SLC12A9: variants seen among roughly 807,000 people sequenced by gnomAD.
SLC12A9 encodes solute carrier family 12 member 9.
A neutral mutation model predicts 66.0 loss-of-function variants in SLC12A9; 55 were observed. The observed-to-expected ratio is 0.83, with a 90% CI of 0.67 to 1.04. The LOEUF (loss-of-function observed/expected upper bound fraction) is 1.04, where lower values mean the gene tolerates loss of function less well. Ranked by LOEUF, SLC12A9 falls within the 50% of genes least tolerant of loss-of-function variation. SLC12A9 has a pLI of 0.00. For synonymous variants in SLC12A9, 577 were observed against 569.0 expected, an observed-to-expected ratio of 1.01 and a Z score of -0.20; for missense variants, 1,061 against 1,241.9, an observed-to-expected ratio of 0.85 and a Z score of 2.19.
At position 100,866,033 on chromosome 7, in the gene SLC12A9, GACGTGT is replaced by G. The variant is rs1815064607; in HGVS notation, c.2174_2179del (p.Asp725_Trp727delinsGly). 6.2e-7 allele frequency: 1 copy of G among 1,612,806 alleles called. No homozygotes were observed. The highest frequency in any genetic ancestry group is 1.3e-5 in the African/African-American group (1 of 75,064). ...GGGCACCTCTCAGCTGCACCATGTG[GACGTGT>G]GGCCCCTCAACCTGCTGCGGCCCCG... On this transcript the variant is annotated inframe_deletion, in exon 14 of 14. Transcript: ENST00000354161. The surrounding 1 kb of genome is among the most constrained non-coding windows in gnomAD (Gnocchi z 7.3).
chr7:100,841,225 C>T (rs1813783869), intron 1 of SLC12A9, among the ~76,000 whole-genome samples: 1 of 150,312 alleles, frequency 6.7e-6, no homozygotes. Flanking sequence ...TCTGCGAAAA[C>T]CATGAAAGAA....
chr7:100,833,072 G>A (rs1813573503), intron 1 of SLC12A9, among the ~76,000 whole-genome samples: 1 of 152,048 alleles, frequency 6.6e-6, no homozygotes, highest in Admixed American at 6.5e-5. Flanking sequence ...CACTGCACCT[G>A]GCCTGGCTAA....
chr7:100,855,371 C>G, intron 3 of SLC12A9: 1 of 302,486 alleles, frequency 3.3e-6, no homozygotes, highest in Non-Finnish European at 6.4e-6. Flanking sequence ...ATCCTCCTGC[C>G]TCAGCCTCCC....
chr7:100,860,058 C>G lies in SLC12A9; in HGVS notation c.1135+16C>G. On this transcript the variant is annotated intron_variant, in intron 8 of 13. Coordinates refer to ENST00000354161, the MANE Select transcript of SLC12A9 (RefSeq NM_020246.4). ...GACCTCTTTGGTGGGTTCTCTGCCT[C>G]CTTGCTGGCTTGGAGCACGCCCTCC... The G allele has an allele frequency of 6.2e-7, 1 of 1,614,180 alleles. No homozygotes were observed.
intron 13 of SLC12A9, 62 bp downstream of exon 13, chr7:100,862,889 C>A: frequency 6.3e-7 from 1 of 1,598,564 alleles, no homozygotes. Flanking sequence ...ATCTCCGCTC[C>A]CCTCCCCTAG....
At chr7:100,860,581 CTG>C (rs1562993658) in intron 9 of SLC12A9, 2 of 371,614 alleles carry the variant, frequency 5.4e-6, no homozygotes, top group Admixed American at 4.4e-5. Flanking sequence ...CACTGGCACT[CTG>C]TGGGATGTAC....
chr7:100,832,996 G>A (rs1813571895), intron 1 of SLC12A9, among the ~76,000 whole-genome samples: 1 of 152,044 alleles, frequency 6.6e-6, no homozygotes, highest in South Asian at 2.1e-4. Context: ...GGCTGGTCTT[G>A]AACTCTTGAG....
intron 1 of SLC12A9, chr7:100,827,134 C>G: frequency 7.6e-7 from 1 of 1,308,426 alleles, no homozygotes. Context: ...CCGCGCGGGA[C>G]TCCTCGTCGG....
chr7:100,854,652 G>A lies in SLC12A9; in HGVS notation c.214G>A (p.Ala72Thr). The change falls in exon 3 of 14, where the codon GCC becomes ACC. Residue 72 changes from alanine to threonine, a missense_variant. Coordinates refer to ENST00000354161, the MANE Select transcript of SLC12A9 (RefSeq NM_020246.4). ...GGTGGGTCATGCTGGGCTACTGCAG[G>A]CCCTGGCCATGCTGCTGGTTGCCTA... is the stretch of plus-strand genomic sequence containing the variant. The part of the protein sequence containing the change: ...FVVGHAGLLQ[A>T]LAMLLVAYFI... 6.2e-7 allele frequency: 1 copy of A among 1,614,056 alleles called. No individual in the cohort carries two copies. The highest frequency in any genetic ancestry group is 1.3e-5 in the African/African-American group (1 of 75,002).
intron 1 of SLC12A9, among the ~76,000 whole-genome samples, chr7:100,834,455 GA>G (rs1813603253): frequency 6.6e-6 from 1 of 152,180 alleles, no homozygotes; most frequent in East Asian, 1.9e-4. Flanking sequence ...AGACTGAAAG[GA>G]ATGAAGACTG....
At position 100,861,868 on chromosome 7, in the gene SLC12A9, G is replaced by A. The variant is rs755991389; in HGVS notation, c.1668G>A (p.Lys556=). 1.2e-6 allele frequency: 2 copies of A among 1,613,230 alleles called. No homozygotes were observed. The highest frequency in any genetic ancestry group is 1.7e-5 in the Admixed American group (1 of 59,934). The change falls in exon 12 of 14, where the codon AAG becomes AAA. Residue 556 remains lysine, a synonymous_variant. Coordinates refer to ENST00000354161, the MANE Select transcript of SLC12A9 (RefSeq NM_020246.4). This position sits in a 1 kb window ranked among gnomAD's most constrained non-coding sequence, Gnocchi z 5.3. ...TGCGGTTGGCCAACCAGCTTAAGAA[G>A]GGGGGGCTGTATGTGCTGGGCCACG... ...PLLRLANQLK[K]GGLYVLGHVT...
At chr7:100,857,943 C>T (rs1249482082) in intron 5 of SLC12A9, 1 of 151,978 alleles carries the variant, frequency 6.6e-6, no homozygotes, top group Non-Finnish European at 1.5e-5. Flanking sequence ...ACAAAAAAAA[C>T]ACCATAAAAT....
intron 1 of SLC12A9, among the ~76,000 whole-genome samples, chr7:100,845,389 G>A (rs1025993710): frequency 3.3e-5 from 5 of 151,402 alleles, no homozygotes; most frequent in Admixed American, 1.3e-4. Context: ...TTGCTCTGTC[G>A]CCCAGGCTGG....
intron 1 of SLC12A9, among the ~76,000 whole-genome samples, chr7:100,853,811 C>A (rs1366070221): frequency 6.6e-6 from 1 of 152,108 alleles, no homozygotes; most frequent in Non-Finnish European, 1.5e-5. Context: ...TCACTGCAAC[C>A]TCTGCCTCCT....
intron 1 of SLC12A9, among the ~76,000 whole-genome samples, chr7:100,847,314 A>C (rs537807231): frequency 6.6e-6 from 1 of 152,344 alleles, no homozygotes; most frequent in South Asian, 2.1e-4. Flanking sequence ...GATGCTGTTA[A>C]TATTGAAGTC....
intron 1 of SLC12A9, chr7:100,827,081 C>A (rs1293382154): frequency 1.3e-6 from 2 of 1,544,640 alleles, no homozygotes; most frequent in East Asian, 2.4e-5. Context: ...GGGCCCTCGC[C>A]CCCCCAGGTC....
In SLC12A9 at chr7:100,865,975, C is replaced by A; in HGVS notation, c.2115C>A (p.Ala705=). 1 of 1,613,012 alleles carries A rather than the reference C, an allele frequency of 6.2e-7. No homozygotes were observed. Among genetic ancestry groups the A allele is most frequent in the South Asian group, 1.1e-5 (1 of 91,060 alleles). ...TGGTGCTGGCCCGGGCCAGCGGGGC[C>A]TTGCCCCCTGAGCGGCTGAGCCGGG... is the stretch of plus-strand genomic sequence containing the variant. ...KNVVLARASG[A]LPPERLSRGS... Residue 705 remains alanine (A), a synonymous_variant, in exon 14 of 14, where the codon GCC becomes GCA. Coordinates refer to ENST00000354161, the MANE Select transcript of SLC12A9 (RefSeq NM_020246.4).
chr7:100,854,868 T>C, intron 3 of SLC12A9, 114 bp downstream of exon 3: 1 of 1,456,748 alleles, frequency 6.9e-7, no homozygotes, highest in Non-Finnish European at 9.2e-7. Context: ...TTTTTCATTC[T>C]TAAAATTTTT....
In SLC12A9 at chr7:100,861,278, C is replaced by T; in HGVS notation, c.1343+16C>T. ...CCAACTTCCGGTGAGAGACTCAGAT[C>T]TGTGTCCCCAGAGAGAAGAAGGGAG... On this transcript the variant is annotated intron_variant, in intron 10 of 13. Transcript: ENST00000354161. This position sits in a 1 kb window ranked among gnomAD's most constrained non-coding sequence, Gnocchi z 5.3. The T allele has an allele frequency of 6.2e-7, 1 of 1,614,172 alleles. No individual in the cohort carries two copies. The highest frequency in any genetic ancestry group is 8.5e-7 in the Non-Finnish European group (1 of 1,180,008).
Sources: allele counts gnomAD v4.1 joint callset (sites outside exome capture counted in the v4.1 genomes callset), GRCh38; gene constraint gnomAD v4.1.1; non-coding constraint Gnocchi (gnomAD v3.1); transcripts MANE v1.5; gene names NCBI Gene and HGNC (gene_info 2026-07-23, HGNC 2026-07-21).